Variants in CSDE1 observed in about 807,000 individuals in gnomAD.
CSDE1 encodes cold shock domain containing E1, also known as cold shock domain-containing protein E1.
CSDE1 carries 17 observed loss-of-function variants against 89.3 expected under a neutral mutation model. The ratio of observed to expected loss-of-function variants is 0.19; its 90% CI spans 0.13 to 0.29. The LOEUF is 0.29. Ranked by LOEUF, CSDE1 falls within the 10% of genes least tolerant of loss-of-function variation. The pLI is 1.00. For synonymous variants in CSDE1, 322 were observed against 332.8 expected (o/e 0.97, Z 0.35); for missense variants, 672 against 984.2 (o/e 0.68, Z 4.24).
chr1:114,733,706 G>A, intron 9 of CSDE1, 26 bp downstream of exon 9: 1 of 1,605,512 alleles, frequency 6.2e-7, no homozygotes, highest in Non-Finnish European at 8.5e-7. Context: ...AGGCGAAATA[G>A]GACTCTCCTG....
At chr1:114,728,005 C>T (rs1001008088) in intron 12 of CSDE1, among the ~76,000 whole-genome samples, 18 of 152,266 alleles carry the variant, frequency 1.2e-4, no homozygotes, top group Middle Eastern at 3.4e-3. Context: ...TTACAAACTA[C>T]GATATATTCA....
intron 1 of CSDE1, among the ~76,000 whole-genome samples, chr1:114,751,169 C>T (rs1014713077): frequency 6.6e-6 from 1 of 152,154 alleles, no homozygotes; most frequent in South Asian, 2.1e-4. Context: ...ATCTCATTTG[C>T]ACTGCTGCAG....
chr1:114,742,396 AC>A (rs1660776624), intron 2 of CSDE1, among the ~76,000 whole-genome samples: 1 of 152,222 alleles, frequency 6.6e-6, no homozygotes, highest in Non-Finnish European at 1.5e-5. Context: ...AGCACGGCCA[AC>A]ATGGTGAAAG....
At chr1:114,732,913 A>G (rs1660183232) in intron 9 of CSDE1, 97 bp from the exon 10 acceptor site, 3 of 1,072,872 alleles carry the variant, frequency 2.8e-6, no homozygotes. Flanking sequence ...TGTTATTTTT[A>G]ACTTAGTTCC....
chr1:114,739,432 C>G (rs1157674069), intron 3 of CSDE1, among the ~76,000 whole-genome samples: 2 of 152,180 alleles, frequency 1.3e-5, no homozygotes, highest in Non-Finnish European at 2.9e-5. Context: ...AATATTCGTA[C>G]TGGCTTAAAA....
chr1:114,739,771 A>C lies in CSDE1; in HGVS notation c.120T>G (p.Ile40Met). 6.2e-7 allele frequency: 1 copy of C among 1,614,136 alleles called. No homozygotes were observed. The highest frequency in any genetic ancestry group is 8.5e-7 in the Non-Finnish European group (1 of 1,179,986). ...IEKLLTSYGFIQCSERQARLF... is the reference protein window; with the variant it reads ...IEKLLTSYGFMQCSERQARLF... Reference sequence around the variant, plus strand: ...GTCTAGCTTGACGTTCTGAACACTGAATAAATCCGTAAGAGGTTAACAGTT... The same window carrying C: ...GTCTAGCTTGACGTTCTGAACACTGCATAAATCCGTAAGAGGTTAACAGTT... Residue 40 changes from isoleucine to methionine, a missense_variant, in exon 3 of 20, where the codon ATT (isoleucine) becomes ATG (methionine). Around this residue, in one of 8 missense-constraint regions of CSDE1, gnomAD observed 34 missense variants for 73.3 expected, o/e 0.46. Coordinates refer to ENST00000358528, the MANE Select transcript of CSDE1 (RefSeq NM_001007553.3).
chr1:114,749,754 A>G (rs1661210853), intron 2 of CSDE1, 67 bp downstream of exon 2: 1 of 152,668 alleles, frequency 6.6e-6, no homozygotes, highest in African/African-American at 2.4e-5. Flanking sequence ...AAGATTTTAT[A>G]TTTGACCAAA....
At position 114,720,668 on chromosome 1, in the gene CSDE1, G is replaced by A. The variant is rs763567270; in HGVS notation, c.1923C>T (p.Asn641=). The A allele has an allele frequency of 1.9e-6, 3 of 1,614,136 alleles. No individual in the cohort carries two copies. The highest frequency in any genetic ancestry group is 2.5e-6 in the Non-Finnish European group (3 of 1,180,030). Residue 641 remains asparagine (N), a synonymous_variant, in exon 17 of 20, where the codon AAC becomes AAT. Coordinates refer to ENST00000358528, the MANE Select transcript of CSDE1 (RefSeq NM_001007553.3). The stretch of plus-strand genomic sequence containing the variant: ...CCCCTTTCTGCAGGCAATCCCCTTT[G>A]TTGGCCATCCCAACGATGCCAAATG... ...VYPFGIVGMA[N]KGDCLQKGES...
At position 114,745,671 on chromosome 1, in the gene CSDE1, A is replaced by G. The variant is rs1183662183; in HGVS notation, c.-1+4150T>C. ...ATATAGTAGGTAACACAACAGACAA[A>G]TATCTCCAGCCTCATAAAGTTTAGA... is the stretch of plus-strand genomic sequence containing the variant. On this transcript the variant is annotated intron_variant, in intron 2 of 19. Coordinates refer to ENST00000358528, the MANE Select transcript of CSDE1 (RefSeq NM_001007553.3). 3.9e-5 allele frequency among the ~76,000 whole-genome samples: 6 copies of G among 152,300 alleles called. No homozygotes were observed. In the East Asian group the frequency reaches 5.8e-4, roughly 15 times the overall value.
At chr1:114,737,623 A>G (rs1660475274) in intron 4 of CSDE1, 60 bp from the exon 5 acceptor site, 1 of 1,287,462 alleles carries the variant, frequency 7.8e-7, no homozygotes, top group South Asian at 1.2e-5. Flanking sequence ...GCACTGTGCA[A>G]TATAAACTGA....
At chr1:114,734,363 A>C in intron 7 of CSDE1, 79 bp downstream of exon 7, 1 of 1,351,252 alleles carries the variant, frequency 7.4e-7, no homozygotes, top group Non-Finnish European at 1.0e-6. Flanking sequence ...AAAAGAAAAA[A>C]AAAAACAAAG....
chr1:114,720,141 G>C (rs1659433127), intron 17 of CSDE1: 1 of 209,616 alleles, frequency 4.8e-6, no homozygotes, highest in Non-Finnish European at 9.5e-6. Flanking sequence ...AGATTTCCCT[G>C]AGATCTCAGG....
intron 6 of CSDE1, among the ~76,000 whole-genome samples, chr1:114,736,485 T>C (rs1209558071): frequency 1.3e-5 from 2 of 152,180 alleles, no homozygotes; most frequent in African/African-American, 4.8e-5. Context: ...CCTCAAAACT[T>C]ACCTCAAAGC....
At chr1:114,744,414 T>C (rs1166897899) in intron 2 of CSDE1, among the ~76,000 whole-genome samples, 1 of 151,926 alleles carries the variant, frequency 6.6e-6, no homozygotes, top group African/African-American at 2.4e-5. Flanking sequence ...ACCCTGTCTC[T>C]ACAAAAAAAT....
At chr1:114,757,149 G>A (rs1661644879) in intron 1 of CSDE1, among the ~76,000 whole-genome samples, 1 of 152,190 alleles carries the variant, frequency 6.6e-6, no homozygotes, top group Admixed American at 6.5e-5. Context: ...TAAAAGATTA[G>A]GGACTGGTTC....
intron 17 of CSDE1, 53 bp downstream of exon 17, chr1:114,720,486 G>T: frequency 1.4e-6 from 2 of 1,441,374 alleles, no homozygotes; most frequent in South Asian, 1.4e-5. Flanking sequence ...TGAAGGTTTT[G>T]GTTACCAACT....
intron 4 of CSDE1, 35 bp downstream of exon 4, chr1:114,737,928 G>A: frequency 2.2e-6 from 3 of 1,349,226 alleles, no homozygotes; most frequent in Non-Finnish European, 3.2e-6. Context: ...CAAATGCAGG[G>A]CCCTAAAAAA....
rs753481185 is a variant in CSDE1 at position 114,737,949 on chromosome 1, T to C, written c.309+14A>G. On this transcript the variant is annotated intron_variant, in intron 4 of 19. Coordinates refer to ENST00000358528, the MANE Select transcript of CSDE1 (RefSeq NM_001007553.3). ...CAGGGCCCTAAAAAAACACAAAGCA[T>C]CAAAGTCACTAACTTGTCCATTCAT... is the stretch of plus-strand genomic sequence containing the variant. The C allele has an allele frequency of 1.7e-5, 27 of 1,568,680 alleles. No individual in the cohort carries two copies. In the South Asian group the frequency reaches 2.6e-4, roughly 15 times the overall value.
rs1322966479 is a variant in CSDE1 at position 114,717,869 on chromosome 1, A to G, written c.*300T>C. ...GTCTATATTTTTCACTTACACAGGC[A>G]AAGTGGATTCTGCAATTACCAGTTG... is the stretch of plus-strand genomic sequence containing the variant. On this transcript the variant is annotated 3_prime_UTR_variant, in exon 20 of 20. Coordinates refer to ENST00000358528, the MANE Select transcript of CSDE1 (RefSeq NM_001007553.3). 4 of 375,708 alleles carry G rather than the reference A, an allele frequency of 1.1e-5. No homozygotes were observed. The highest frequency in any genetic ancestry group is 9.1e-5 in the East Asian group (2 of 21,876). The allele number at this position is 375,708 out of a possible 1,614,324, so 23.3% of individuals were successfully genotyped here.
Sources: allele counts gnomAD v4.1 joint callset (sites outside exome capture counted in the v4.1 genomes callset), GRCh38; gene constraint gnomAD v4.1.1; regional missense constraint gnomAD v4.1.1; transcripts MANE v1.5; gene names NCBI Gene and HGNC (gene_info 2026-07-23, HGNC 2026-07-21).